The following SCHIP1 variants were observed in gnomAD, a reference collection of about 807,000 sequenced individuals.
The protein encoded by SCHIP1 is schwannomin interacting protein 1.
SCHIP1 carries 8 observed loss-of-function variants against 29.7 expected under a neutral mutation model. The ratio of observed to expected loss-of-function variants is 0.27; its 90% confidence interval spans 0.16 to 0.49. The LOEUF is 0.49. SCHIP1 is among the 20% of genes least tolerant of loss of function. SCHIP1 has a pLI of 0.99. For missense variants in SCHIP1, 193 were observed against 294.6 expected, an observed-to-expected ratio of 0.66 and a Z score of 2.52; for synonymous variants, 76 against 94.9, an observed-to-expected ratio of 0.80 and a Z score of 1.16.
At chr3:159,309,852 C>A in the SCHIP1 span, among the ~76,000 whole-genome samples, 1 of 152,144 alleles carries the variant, frequency 6.6e-6, no homozygotes, top group Admixed American at 6.6e-5. Flanking sequence ...AGAGGAAAAT[C>A]ATTGAGTGTT....
At chr3:159,402,669 A>T in the SCHIP1 span, among the ~76,000 whole-genome samples, 2 of 152,270 alleles carry the variant, frequency 1.3e-5, no homozygotes, top group African/African-American at 2.4e-5. Context: ...TTCTCAGCAA[A>T]CTATTGCAAG....
At chr3:159,370,095 A>C in the SCHIP1 span, among the ~76,000 whole-genome samples, 1 of 152,176 alleles carries the variant, frequency 6.6e-6, no homozygotes, top group Non-Finnish European at 1.5e-5. Flanking sequence ...AATGAATGTA[A>C]TCTTGTTAAA....
chr3:159,725,650 C>T, the SCHIP1 span, among the ~76,000 whole-genome samples: 1 of 152,298 alleles, frequency 6.6e-6, no homozygotes, highest in East Asian at 1.9e-4. Flanking sequence ...ATAAAAACTT[C>T]CTGGACTTTC....
chr3:159,387,573 T>G, the SCHIP1 span: 2 of 156,896 alleles, frequency 1.3e-5, no homozygotes, highest in African/African-American at 4.8e-5. Flanking sequence ...CACTATTGAA[T>G]TATCCAATAC....
the SCHIP1 span, among the ~76,000 whole-genome samples, chr3:159,452,544 C>T: frequency 6.6e-6 from 1 of 152,172 alleles, no homozygotes; most frequent in Non-Finnish European, 1.5e-5. Flanking sequence ...TTTATCCAGC[C>T]TATCATTGAT....
chr3:159,538,367 T>C, the SCHIP1 span, among the ~76,000 whole-genome samples: 8 of 152,188 alleles, frequency 5.3e-5, no homozygotes, highest in Non-Finnish European at 1.0e-4. Flanking sequence ...TTATTTTCCT[T>C]ACTTATTAAG....
chr3:159,455,462 G>A, the SCHIP1 span, among the ~76,000 whole-genome samples: 2 of 152,286 alleles, frequency 1.3e-5, no homozygotes, highest in South Asian at 2.1e-4. Flanking sequence ...ACACTTTAAG[G>A]CATTGTAGTA....
the SCHIP1 span, chr3:159,282,503 T>C: frequency 1.3e-5 from 2 of 151,968 alleles, no homozygotes; most frequent in South Asian, 4.2e-4. Flanking sequence ...TAAAACCTAC[T>C]TAGTATCCCA....
At chr3:159,425,076 G>A in the SCHIP1 span, among the ~76,000 whole-genome samples, 61 of 151,526 alleles carry the variant, frequency 4.0e-4, no homozygotes, top group Middle Eastern at 6.8e-3. Flanking sequence ...GGTACCAGCC[G>A]CTGCAAAATC....
At chr3:159,728,627 G>T in the SCHIP1 span, among the ~76,000 whole-genome samples, 1 of 152,194 alleles carries the variant, frequency 6.6e-6, no homozygotes, top group Non-Finnish European at 1.5e-5. Flanking sequence ...GCTGGGATGG[G>T]TTACCTGCAG....
At chr3:159,572,339 T>TAGAA in the SCHIP1 span, among the ~76,000 whole-genome samples, 1,954 of 151,446 alleles carry the variant, frequency 0.013, 46 homozygotes, top group African/African-American at 0.045. Flanking sequence ...CTCATTGGTT[T>TAGAA]CAAAGAACAT....
the SCHIP1 span, among the ~76,000 whole-genome samples, chr3:159,558,091 C>T: frequency 3.3e-5 from 5 of 152,138 alleles, no homozygotes; most frequent in Admixed American, 6.6e-5. Context: ...ATCTGGGATG[C>T]TCATGTAGGA....
chr3:159,564,620 C>T, the SCHIP1 span, among the ~76,000 whole-genome samples: 1 of 152,178 alleles, frequency 6.6e-6, no homozygotes, highest in East Asian at 1.9e-4. Context: ...AGGTGATCCA[C>T]CCGCCGTGGC....
chr3:159,428,761 G>T, the SCHIP1 span, among the ~76,000 whole-genome samples: 1 of 151,864 alleles, frequency 6.6e-6, no homozygotes, highest in South Asian at 2.1e-4. Context: ...GTTTATTGCG[G>T]CACTATTCAC....
chr3:159,481,374 G>A, the SCHIP1 span, among the ~76,000 whole-genome samples: 1 of 152,192 alleles, frequency 6.6e-6, no homozygotes, highest in Admixed American at 6.5e-5. Context: ...AGATCACTAA[G>A]ATAGAGTGAA....
At chr3:159,721,696 T>C in the SCHIP1 span, 1 of 323,130 alleles carries the variant, frequency 3.1e-6, no homozygotes, top group African/African-American at 2.2e-5. Context: ...CTCCTAATGA[T>C]AAAAGTCGGT....
chr3:159,502,772 T>C, the SCHIP1 span, among the ~76,000 whole-genome samples: 1 of 151,978 alleles, frequency 6.6e-6, no homozygotes. Context: ...AAGCCTGAAA[T>C]GTGCAGCCAC....
the SCHIP1 span, among the ~76,000 whole-genome samples, chr3:159,637,729 T>C: frequency 5.3e-4 from 81 of 152,322 alleles, no homozygotes; most frequent in African/African-American, 1.8e-3. Context: ...AGAGTTATCA[T>C]TGCATTATAT....
the SCHIP1 span, among the ~76,000 whole-genome samples, chr3:159,376,185 T>C: frequency 6.6e-6 from 1 of 152,198 alleles, no homozygotes; most frequent in Non-Finnish European, 1.5e-5. Flanking sequence ...AGAAAAAGGC[T>C]ACTTACTTCA....
Sources: allele counts gnomAD v4.1 joint callset (sites outside exome capture counted in the v4.1 genomes callset), GRCh38; gene constraint gnomAD v4.1.1; transcripts MANE v1.5; gene names NCBI Gene and HGNC (gene_info 2026-07-23, HGNC 2026-07-21).